The following CFAP92 variants were observed in gnomAD, a reference collection of about 807,000 sequenced individuals.
CFAP92 encodes the protein cilia and flagella associated protein 92 (putative).
In CFAP92, 86 loss-of-function variants were observed where a neutral mutation model predicts 106.3. The ratio of observed to expected loss-of-function variants is 0.81; its 90% confidence interval spans 0.68 to 0.97. The LOEUF is 0.97. Ranked by LOEUF, CFAP92 falls within the 50% of genes least tolerant of loss-of-function variation. The pLI is 0.00. For synonymous variants in CFAP92, 477 were observed against 506.4 expected (o/e 0.94, Z 0.78); for missense variants, 1,204 against 1,283.8 (o/e 0.94, Z 0.95).
rs59771325 is a variant in CFAP92, at chr3:128,979,836, T to C, written c.668-1651A>G. 1.1e-4 allele frequency among the ~76,000 whole-genome samples: 16 copies of C among 151,664 alleles called. No individual in the cohort carries two copies. In the East Asian group the frequency reaches 3.1e-3, roughly 30 times the overall value. ...GGGGGACGGATAGCATTAGGAGATATACCTAATGTAAATGACGAGTTAATG... is the reference window on the plus strand; with the variant it reads ...GGGGGACGGATAGCATTAGGAGATACACCTAATGTAAATGACGAGTTAATG... On this transcript the variant is annotated intron_variant, in intron 4 of 15. Transcript: ENST00000645291.
chr3:129,002,867 C>G (rs948425587), upstream of CFAP92, among the ~76,000 whole-genome samples: 1 of 152,190 alleles, frequency 6.6e-6, no homozygotes, highest in African/African-American at 2.4e-5. Context: ...GTGGCTCACA[C>G]TGTGGATCAG....
the CFAP92 span, among the ~76,000 whole-genome samples, chr3:129,011,643 C>T: frequency 1.6e-3 from 238 of 152,058 alleles, 4 homozygotes; most frequent in South Asian, 0.045. Flanking sequence ...AAGGGGCAGG[C>T]CTTGAAAAGC....
intron 12 of CFAP92, among the ~76,000 whole-genome samples, chr3:128,921,234 A>G (rs1226358259): frequency 1.3e-5 from 2 of 152,190 alleles, no homozygotes; most frequent in Non-Finnish European, 2.9e-5. Flanking sequence ...CACCCCAGTG[A>G]AGGAACACTA....
At chr3:128,981,601 G>A (rs1444373820) in intron 4 of CFAP92, among the ~76,000 whole-genome samples, 1 of 152,184 alleles carries the variant, frequency 6.6e-6, no homozygotes, top group Non-Finnish European at 1.5e-5. Flanking sequence ...AAAGTGCTGG[G>A]ATTACAGGCT....
intron 7 of CFAP92, among the ~76,000 whole-genome samples, chr3:128,972,699 T>TA (rs1942888329): frequency 2.0e-5 from 3 of 151,558 alleles, no homozygotes; most frequent in East Asian, 3.9e-4. Flanking sequence ...TTACTAAAAA[T>TA]AAAAAATTAG....
chr3:129,018,536 T>C, the CFAP92 span, among the ~76,000 whole-genome samples: 1 of 152,344 alleles, frequency 6.6e-6, no homozygotes, highest in East Asian at 1.9e-4. Context: ...AACAACCTCA[T>C]GGGCTTCAAA....
intron 10 of CFAP92, 121 bp downstream of exon 10, chr3:128,944,950 A>T: frequency 4.6e-6 from 4 of 861,634 alleles, no homozygotes; most frequent in Non-Finnish European, 5.2e-6. Context: ...CTCACAATGA[A>T]CCCCGAAAGG....
At chr3:128,999,562 G>A (rs944065670) in intron 1 of CFAP92, among the ~76,000 whole-genome samples, 15 of 130,998 alleles carry the variant, frequency 1.1e-4, no homozygotes, top group African/African-American at 4.4e-4. Context: ...TTTTTGAGAC[G>A]GAGTCTCGCT....
intron 10 of CFAP92, among the ~76,000 whole-genome samples, chr3:128,942,532 C>A (rs1303216973): frequency 6.6e-6 from 1 of 152,230 alleles, no homozygotes; most frequent in African/African-American, 2.4e-5. Context: ...AGCCTCCATC[C>A]TGTGACTGTC....
chr3:129,003,850 G>T (rs557333033), upstream of CFAP92: 18 of 1,454,720 alleles, frequency 1.2e-5, no homozygotes, highest in Non-Finnish European at 1.4e-5. Flanking sequence ...GCGGGCCGGA[G>T]GCTGCGGTGC....
At chr3:128,997,937 C>T (rs957568714), upstream of CFAP92, among the ~76,000 whole-genome samples, 22 of 152,308 alleles carry the variant, frequency 1.4e-4, no homozygotes, top group Admixed American at 5.9e-4. Context: ...CATGAAGTTT[C>T]CTGTTTCTCC....
At chr3:129,004,870 G>A (rs958000308), upstream of CFAP92, among the ~76,000 whole-genome samples, 54 of 152,104 alleles carry the variant, frequency 3.6e-4, no homozygotes, top group Admixed American at 2.3e-3. Flanking sequence ...TCAAATCTTG[G>A]CAGGGCTTTT....
chr3:129,002,483 C>G, intron 1 of CFAP92: 1 of 1,328,464 alleles, frequency 7.5e-7, no homozygotes, highest in Non-Finnish European at 9.7e-7. Context: ...GCATCTTGCC[C>G]CTGTTCCTCC....
intron 9 of CFAP92, among the ~76,000 whole-genome samples, chr3:128,956,994 A>AAAAAAAAAAAAAAAAAAAAG: frequency 7.7e-6 from 1 of 129,060 alleles, no homozygotes; most frequent in Non-Finnish European, 1.6e-5. Flanking sequence ...AAAAAAAAAA[A>AAAAAAAAAAAAAAAAAAAAG]AAAGAAATCA....
chr3:128,931,357 G>A (rs765481058), intron 12 of CFAP92, among the ~76,000 whole-genome samples: 6 of 151,318 alleles, frequency 4.0e-5, no homozygotes, highest in Non-Finnish European at 8.9e-5. Context: ...CTGTAGAGAC[G>A]GTTTCGCCAT....
intron 9 of CFAP92, among the ~76,000 whole-genome samples, chr3:128,946,843 C>T (rs186544742): frequency 6.6e-6 from 1 of 151,950 alleles, no homozygotes; most frequent in South Asian, 2.1e-4. Flanking sequence ...TGCACCAAGG[C>T]ATAAGATATT....
upstream of CFAP92, chr3:129,004,094 GC>G: frequency 6.8e-7 from 1 of 1,475,794 alleles, no homozygotes; most frequent in Non-Finnish European, 8.9e-7. Flanking sequence ...GGGGGCGCGT[GC>G]CCTGGGCCCA....
At chr3:128,951,212 G>A (rs1171779963) in intron 9 of CFAP92, among the ~76,000 whole-genome samples, 2 of 151,528 alleles carry the variant, frequency 1.3e-5, no homozygotes, top group African/African-American at 4.9e-5. Flanking sequence ...TCCAGCCTGG[G>A]TGACAGAGCG....
upstream of CFAP92, among the ~76,000 whole-genome samples, chr3:128,997,595 C>A (rs1480038331): frequency 6.6e-6 from 1 of 152,210 alleles, no homozygotes; most frequent in Admixed American, 6.5e-5. Context: ...CTTTCACCTA[C>A]CGTTATGTTT....
Sources: gnomAD v4.1 joint callset for allele counts (sites outside exome capture counted in the v4.1 genomes callset) on GRCh38, gnomAD v4.1.1 for gene constraint, MANE v1.5 for transcripts, NCBI Gene and HGNC (gene_info 2026-07-23, HGNC 2026-07-21) for gene names.